The following CLIC5 variants were observed in gnomAD, a reference collection of about 807,000 sequenced individuals.
The protein encoded by CLIC5 is chloride intracellular channel protein 5.
Under a neutral mutation model 24.7 loss-of-function variants are expected in CLIC5, and 20 were observed. The observed-to-expected ratio is 0.81, with a 90% CI of 0.57 to 1.18. The LOEUF is 1.18. CLIC5 is among the 50% of genes most tolerant of loss of function. The pLI, the probability that CLIC5 is intolerant of heterozygous loss-of-function variation, is 0.00. For missense variants in CLIC5, 341 were observed against 326.1 expected (o/e 1.05, Z -0.35); for synonymous variants, 159 against 135.6 (o/e 1.17, Z -1.20).
chr6:46,062,740 G>T (rs945607203), intron 1 of CLIC5, among the ~76,000 whole-genome samples: 1 of 152,176 alleles, frequency 6.6e-6, no homozygotes, highest in African/African-American at 2.4e-5. Context: ...TCCTAGGTAC[G>T]CATCACAATT....
At chr6:46,058,366 T>C (rs1440723801) in intron 1 of CLIC5, among the ~76,000 whole-genome samples, 1 of 152,208 alleles carries the variant, frequency 6.6e-6, no homozygotes, top group Non-Finnish European at 1.5e-5. Context: ...GTGGGTATCA[T>C]ACCACATTCT....
intron 4 of CLIC5, among the ~76,000 whole-genome samples, chr6:45,936,124 G>A (rs917121895): frequency 6.7e-6 from 1 of 149,408 alleles, no homozygotes; most frequent in African/African-American, 2.5e-5. Context: ...CCCTCAAACT[G>A]CATTTTTATA....
upstream of CLIC5, among the ~76,000 whole-genome samples, chr6:46,081,874 T>C (rs1304749208): frequency 6.6e-6 from 1 of 152,232 alleles, no homozygotes; most frequent in African/African-American, 2.4e-5. Flanking sequence ...CTTAACTCAG[T>C]ATTTTCCAAT....
intron 1 of CLIC5, among the ~76,000 whole-genome samples, chr6:45,970,443 GT>G (rs1255419762): frequency 6.6e-6 from 1 of 152,178 alleles, no homozygotes; most frequent in African/African-American, 2.4e-5. Flanking sequence ...AAAGGAGTCT[GT>G]CTTTTGTAAT....
intron 1 of CLIC5, among the ~76,000 whole-genome samples, chr6:46,052,357 G>T (rs1768127810): frequency 6.6e-6 from 1 of 152,160 alleles, no homozygotes; most frequent in Non-Finnish European, 1.5e-5. Context: ...ATTATCCTGA[G>T]ATCCTGCTGA....
chr6:46,064,785 A>G (rs1289870489), intron 1 of CLIC5, among the ~76,000 whole-genome samples: 1 of 152,176 alleles, frequency 6.6e-6, no homozygotes, highest in Non-Finnish European at 1.5e-5. Context: ...ATGTTGTACC[A>G]TATACAAAAT....
chr6:46,009,208 G>A (rs1325993942), intron 1 of CLIC5, among the ~76,000 whole-genome samples: 4 of 151,866 alleles, frequency 2.6e-5, no homozygotes, highest in Admixed American at 6.6e-5. Context: ...TGCCAGCAGA[G>A]CTAAAAGAAC....
intron 5 of CLIC5, among the ~76,000 whole-genome samples, chr6:45,904,229 T>C (rs913180913): frequency 2.0e-5 from 3 of 152,176 alleles, no homozygotes; most frequent in African/African-American, 7.2e-5. Flanking sequence ...TTTGGAGTAA[T>C]AAATTAGTTA....
the CLIC5 span, among the ~76,000 whole-genome samples, chr6:46,111,466 T>A: frequency 3.3e-5 from 5 of 152,238 alleles, no homozygotes; most frequent in African/African-American, 1.2e-4. Flanking sequence ...GTTTGCCATA[T>A]ATAGAGGCCT....
chr6:46,016,134 AGGAAGGGGAAAGG>A (rs1766997496), upstream of CLIC5, among the ~76,000 whole-genome samples: 4 of 119,130 alleles, frequency 3.4e-5, no homozygotes, highest in South Asian at 1.5e-3. Context: ...GAAGGGGAAG[AGGAAGGGGAAAGG>A]GGAAGGGGAA....
At chr6:46,122,266 A>G in the CLIC5 span, among the ~76,000 whole-genome samples, 7 of 152,246 alleles carry the variant, frequency 4.6e-5, no homozygotes, top group Non-Finnish European at 1.0e-4. Flanking sequence ...AGAACTCAGG[A>G]TTAAGAAACT....
chr6:45,889,209 G>T (rs76240350), intron 6 of CLIC5, among the ~76,000 whole-genome samples: 1,333 of 127,824 alleles, frequency 0.01, 20 homozygotes, highest in African/African-American at 0.042. Context: ...TGATGTCTAG[G>T]GGCAGAGGGA....
intron 1 of CLIC5, among the ~76,000 whole-genome samples, chr6:45,961,530 T>C (rs776190204): frequency 1.4e-4 from 21 of 152,276 alleles, no homozygotes; most frequent in Admixed American, 2.6e-4. Flanking sequence ...AAAAGGACTT[T>C]CTTTAAACAT....
the CLIC5 span, among the ~76,000 whole-genome samples, chr6:46,117,439 G>A: frequency 3.3e-5 from 5 of 152,298 alleles, no homozygotes; most frequent in African/African-American, 1.2e-4. Context: ...ACATGCAAAT[G>A]TGTTGGTTAA....
At chr6:45,969,874 T>C (rs1299236690) in intron 1 of CLIC5, among the ~76,000 whole-genome samples, 1 of 146,612 alleles carries the variant, frequency 6.8e-6, no homozygotes, top group Admixed American at 7.1e-5. Flanking sequence ...CTACGACAGG[T>C]CCTGAGCTCC....
chr6:46,055,439 T>C (rs905868830), intron 1 of CLIC5, among the ~76,000 whole-genome samples: 1 of 151,968 alleles, frequency 6.6e-6, no homozygotes. Flanking sequence ...GGTTTTGCCA[T>C]GTTGGCCAGG....
At chr6:45,937,541 A>T (rs1015261093) in intron 4 of CLIC5, 1 of 152,240 alleles carries the variant, frequency 6.6e-6, no homozygotes, top group Admixed American at 6.5e-5. Context: ...GGAATTGCAC[A>T]TGTACTTGTT....
At chr6:45,974,161 A>G (rs1028231189) in intron 1 of CLIC5, among the ~76,000 whole-genome samples, 3 of 151,890 alleles carry the variant, frequency 2.0e-5, no homozygotes, top group Admixed American at 6.6e-5. Flanking sequence ...GGAGAAATAT[A>G]TATAGTTTTA....
At chr6:45,912,811 G>T in intron 5 of CLIC5, 2 of 1,070,562 alleles carry the variant, frequency 1.9e-6, no homozygotes, top group Non-Finnish European at 2.8e-6. Context: ...GACATAGATT[G>T]GCTGGACCTA....
Sources: gnomAD v4.1 joint callset for allele counts (sites outside exome capture counted in the v4.1 genomes callset) on GRCh38, gnomAD v4.1.1 for gene constraint, MANE v1.5 for transcripts, NCBI Gene and HGNC (gene_info 2026-07-23, HGNC 2026-07-21) for gene names.